IGDCC3: variants seen among roughly 807,000 people sequenced by gnomAD.
IGDCC3 encodes immunoglobulin superfamily DCC subclass member 3.
In IGDCC3, 47 loss-of-function variants were observed where a neutral mutation model predicts 72.0. The ratio of observed to expected loss-of-function variants is 0.65; its 90% CI spans 0.52 to 0.83. IGDCC3 has a LOEUF of 0.83. Among genes scored for constraint, IGDCC3 ranks in the 40% least tolerant of loss-of-function variants. The pLI is 0.00. For missense variants in IGDCC3, 1,038 were observed against 1,091.3 expected, an observed-to-expected ratio of 0.95 and a Z score of 0.69; for synonymous variants, 477 against 472.8, an observed-to-expected ratio of 1.01 and a Z score of -0.11.
chr15:65,345,609 C>A (rs1286996212), intron 2 of IGDCC3, among the ~76,000 whole-genome samples: 1 of 88,178 alleles, frequency 1.1e-5, no homozygotes. Flanking sequence ...CACAGACACG[C>A]ACAAAAATAA....
chr15:65,345,596 ACACACAGACACGCAC>A (rs1267048842), intron 2 of IGDCC3, among the ~76,000 whole-genome samples: 4 of 147,246 alleles, frequency 2.7e-5, no homozygotes, highest in Non-Finnish European at 1.5e-5. Flanking sequence ...ACACGCATGC[ACACACAGACACGCAC>A]AAAAATAAAT....
At chr15:65,352,886 T>C (rs547048852) in intron 2 of IGDCC3, among the ~76,000 whole-genome samples, 1 of 152,368 alleles carries the variant, frequency 6.6e-6, no homozygotes, top group East Asian at 1.9e-4. Flanking sequence ...TCTAGTCTCA[T>C]TAGTTGTTTT....
At chr15:65,349,255 A>C (rs1296479693) in intron 2 of IGDCC3, among the ~76,000 whole-genome samples, 2 of 152,194 alleles carry the variant, frequency 1.3e-5, no homozygotes, top group African/African-American at 4.8e-5. Context: ...AGAATGAAAA[A>C]AAAATAATTT....
chr15:65,329,303 C>A lies in IGDCC3; in HGVS notation c.2205+87G>T. 6.8e-7 allele frequency: 1 copy of A among 1,481,444 alleles called. No homozygotes were observed. The highest frequency in any genetic ancestry group is 1.3e-5 in the South Asian group (1 of 77,836). 91.8% of individuals were successfully genotyped at this position (1,481,444 alleles called of 1,614,324 possible). ...GTTTGACTAAGGCCAATGATCGAGG[C>A]CCGTGGCCAAGGTGAAGGGGGGCAG... On this transcript the variant is annotated intron_variant, in intron 13 of 13. Transcript: ENST00000327987. The surrounding 1 kb of genome is among the most constrained non-coding windows in gnomAD (Gnocchi z 4.1).
chr15:65,347,508 T>C (rs2091134180), intron 2 of IGDCC3, among the ~76,000 whole-genome samples: 1 of 152,186 alleles, frequency 6.6e-6, no homozygotes, highest in African/African-American at 2.4e-5. Context: ...AGAAACTCCA[T>C]CTTAAACACG....
At chr15:65,348,985 C>A (rs2091149789) in intron 2 of IGDCC3, among the ~76,000 whole-genome samples, 1 of 152,190 alleles carries the variant, frequency 6.6e-6, no homozygotes, top group South Asian at 2.1e-4. Flanking sequence ...TTTTCAGTGT[C>A]ACTGCAATGG....
At chr15:65,368,804 G>A (rs536310171) in intron 2 of IGDCC3, among the ~76,000 whole-genome samples, 9 of 152,104 alleles carry the variant, frequency 5.9e-5, no homozygotes, top group South Asian at 2.1e-4. Flanking sequence ...CATCCTCCCC[G>A]TTCACAAGCT....
intron 2 of IGDCC3, among the ~76,000 whole-genome samples, chr15:65,353,340 T>C (rs1288137301): frequency 6.6e-6 from 1 of 150,590 alleles, no homozygotes; most frequent in Non-Finnish European, 1.5e-5. Context: ...AACCTCTGCC[T>C]CCCGGGTTCA....
intron 2 of IGDCC3, among the ~76,000 whole-genome samples, chr15:65,369,653 G>C (rs2091311099): frequency 6.6e-6 from 1 of 152,076 alleles, no homozygotes; most frequent in Non-Finnish European, 1.5e-5. Flanking sequence ...CAGTTAAGCG[G>C]GAGAAGAACT....
At chr15:65,342,854 TTTG>T (rs2091094247) in intron 2 of IGDCC3, among the ~76,000 whole-genome samples, 1 of 150,990 alleles carries the variant, frequency 6.6e-6, no homozygotes, top group African/African-American at 2.5e-5. Flanking sequence ...TTTGTGTTTG[TTTG>T]TTTTTTTTTG....
In IGDCC3 at chr15:65,331,979, C is replaced by T. The variant is rs529823207; in HGVS notation, c.1110G>A (p.Leu370=). 10 of 1,614,146 alleles carry T rather than the reference C, an allele frequency of 6.2e-6. No individual in the cohort carries two copies. In the East Asian group the frequency reaches 2.0e-4, roughly 32 times the overall value. ...HVTWLKNGQV[L]GPGGHVRLKN... is the part of the protein sequence containing the mutation. ...TGAGCCTGACGTGGCCTCCTGGCCC[C>T]AGCACCTGTCCATTTTTCAGCCACG... Residue 370 remains leucine, a synonymous_variant, in exon 7 of 14, where the codon CTG becomes CTA. Transcript: ENST00000327987.
chr15:65,377,617 C>A lies in IGDCC3; in HGVS notation c.103+69G>T. 7.5e-7 allele frequency: 1 copy of A among 1,327,490 alleles called. No homozygotes were observed. Among genetic ancestry groups the A allele is most frequent in the South Asian group, 2.0e-5 (1 of 49,808 alleles). 82.2% of individuals were successfully genotyped at this position (1,327,490 alleles called of 1,614,324 possible). A position where few individuals can be genotyped will look rare whatever the true frequency, so the allele number is the denominator to read the frequency against. ...TCTCCCCGGGTCCGCCCCTCGCGCC[C>A]GCTCCCTCCCTGCTCGCCCTTCCCC... On this transcript the variant is annotated intron_variant, in intron 1 of 13. Coordinates refer to ENST00000327987, the MANE Select transcript of IGDCC3 (RefSeq NM_004884.4). The surrounding 1 kb of genome is among the most constrained non-coding windows in gnomAD (Gnocchi z 4.9).
intron 2 of IGDCC3, among the ~76,000 whole-genome samples, chr15:65,351,279 G>A (rs1163170073): frequency 1.3e-5 from 2 of 152,224 alleles, no homozygotes; most frequent in African/African-American, 4.8e-5. Context: ...GCTCACGCCT[G>A]TAATCCCAAC....
chr15:65,348,841 G>A (rs1481441244), intron 2 of IGDCC3, among the ~76,000 whole-genome samples: 1 of 152,176 alleles, frequency 6.6e-6, no homozygotes, highest in African/African-American at 2.4e-5. Context: ...TTTGCTGATG[G>A]CTGTGGGTGA....
rs754708920 is a variant in IGDCC3, at chr15:65,331,227, AG to A, written c.1397-14del. The A allele has an allele frequency of 6.8e-6, 11 of 1,612,658 alleles. No homozygotes were observed. Among genetic ancestry groups the A allele is most frequent in the South Asian group, 1.1e-5 (1 of 90,920 alleles). ...AGCTCCGGTGGGTCTGGAGAGGCAC[AG>A]GGTGGGCAGGGGAGTGTGAAGGACT... is the stretch of plus-strand genomic sequence containing the variant. On this transcript the variant is annotated splice_polypyrimidine_tract_variant and intron_variant, in intron 8 of 13. Transcript: ENST00000327987.
rs375990839 is a variant in IGDCC3, at chr15:65,364,571, A to AGAT, written c.409+10523_409+10525dup. On this transcript the variant is annotated intron_variant, in intron 2 of 13. Coordinates refer to ENST00000327987, the MANE Select transcript of IGDCC3 (RefSeq NM_004884.4). The stretch of plus-strand genomic sequence containing the variant: ...CAAGGCTTAACAAGCCCACACCCAC[A>AGAT]GATAAACCAGAGCAGCACGAAAGAA... Among the ~76,000 whole-genome samples, 80 of 152,286 alleles carry AGAT rather than the reference A, an allele frequency of 5.3e-4. 1 individual carries two copies. The highest frequency in any genetic ancestry group is 1.8e-3 in the African/African-American group (73 of 41,562).
At chr15:65,334,446 C>A in intron 5 of IGDCC3, 1 of 412,150 alleles carries the variant, frequency 2.4e-6, no homozygotes, top group Non-Finnish European at 4.3e-6. Flanking sequence ...GTGCTGGGGT[C>A]CCCGAGGCCA....
Position 65,334,762 on chromosome 15 carries a change from G to T in IGDCC3, c.789C>A (p.Gly263=), listed in dbSNP as rs763912652. 1.5e-5 allele frequency: 24 copies of T among 1,599,796 alleles called. No individual in the cohort carries two copies. The South Asian group carries it at 2.5e-4, about 17-fold the overall frequency. Reference sequence around the variant, plus strand: ...TCCAGGACACAATGGGGCGCGGGTTGCCCGTGGCGACACACTCAAGCACCG... The same window carrying T: ...TCCAGGACACAATGGGGCGCGGGTTTCCCGTGGCGACACACTCAAGCACCG... ...QTAVLECVAT[G]NPRPIVSWSR... Residue 263 remains glycine (G), a synonymous_variant, in exon 5 of 14, where the codon GGC becomes GGA. Coordinates refer to ENST00000327987, the MANE Select transcript of IGDCC3 (RefSeq NM_004884.4).
intron 2 of IGDCC3, chr15:65,355,592 G>T (rs2091212103): frequency 1.2e-5 from 2 of 163,422 alleles, no homozygotes; most frequent in African/African-American, 4.8e-5. Context: ...ACCGGGCCGC[G>T]CGCCGCCTTT....
Sources: allele counts gnomAD v4.1 joint callset (sites outside exome capture counted in the v4.1 genomes callset), GRCh38; gene constraint gnomAD v4.1.1; non-coding constraint Gnocchi (gnomAD v3.1); transcripts MANE v1.5; gene names NCBI Gene and HGNC (gene_info 2026-07-23, HGNC 2026-07-21).